Variants in ROBO1 observed in about 807,000 individuals in gnomAD.
The protein encoded by ROBO1 is roundabout guidance receptor 1, also known as roundabout homolog 1.
ROBO1 carries 149 observed loss-of-function variants against 195.9 expected under a neutral mutation model. The ratio of observed to expected loss-of-function variants is 0.76; its 90% confidence interval spans 0.67 to 0.87. The LOEUF is 0.87. Ranked by LOEUF, ROBO1 falls within the 40% of genes least tolerant of loss-of-function variation. The probability of loss-of-function intolerance (pLI) is 0.00; values close to 1 mark genes in which losing one functional copy is unlikely to be tolerated. For missense variants in ROBO1, 1,933 were observed against 2,068.3 expected (o/e 0.93, Z 1.27); for synonymous variants, 816 against 733.2 (o/e 1.11, Z -1.82).
chr3:78,667,912 C>T lies in ROBO1; in HGVS notation c.1937G>A (p.Ser646Asn). The T allele has an allele frequency of 6.2e-7, 1 of 1,613,610 alleles. No individual in the cohort carries two copies. The highest frequency in any genetic ancestry group is 8.5e-7 in the Non-Finnish European group (1 of 1,179,684). Residue 646 changes from serine to asparagine, a missense_variant, in exon 14 of 31, where the codon AGC (serine) becomes AAC (asparagine). Physicochemically the swap from Ser to Asn is conservative, Grantham distance 46. This residue lies in a region of ROBO1 where 1,737 missense variants were observed against 1,882.5 expected (regional missense o/e 0.92). Coordinates refer to ENST00000464233, the MANE Select transcript of ROBO1 (RefSeq NM_002941.4). Reference sequence around the variant, plus strand: ...TGTTTTCACTGGATCTGATATTTGGCTTGGATCACTAATTCCATATGCATT... The same window carrying T: ...TGTTTTCACTGGATCTGATATTTGGTTTGGATCACTAATTCCATATGCATT... ...AANAYGISDP[S>N]QISDPVKTQD...
intron 2 of ROBO1, among the ~76,000 whole-genome samples, chr3:79,126,321 TTC>T (rs2080214539): frequency 6.6e-6 from 1 of 152,236 alleles, no homozygotes; most frequent in Non-Finnish European, 1.5e-5. Flanking sequence ...AATGCATTTT[TTC>T]TGTTTTTCTT....
rs187150058 is a variant in ROBO1 at position 78,722,692 on chromosome 3, T to A, written c.658-4809A>T. 2.7e-3 allele frequency among the ~76,000 whole-genome samples: 417 copies of A among 152,262 alleles called. 2 individuals carry two copies. The highest frequency in any genetic ancestry group is 6.8e-3 in the Middle Eastern group (2 of 294). ...AATATATACGAAAATGTGACATTTT[T>A]AAAAAGGATTTCTAAATCCTAGATC... On this transcript the variant is annotated intron_variant, in intron 5 of 30. Coordinates refer to ENST00000464233, the MANE Select transcript of ROBO1 (RefSeq NM_002941.4).
intron 3 of ROBO1, among the ~76,000 whole-genome samples, chr3:78,959,109 C>T (rs1410435885): frequency 6.6e-6 from 1 of 152,130 alleles, no homozygotes; most frequent in Non-Finnish European, 1.5e-5. Flanking sequence ...CCCACCCTTT[C>T]TTCTTAATAA....
At chr3:78,887,629 G>A (rs1484526408) in intron 4 of ROBO1, among the ~76,000 whole-genome samples, 1 of 152,154 alleles carries the variant, frequency 6.6e-6, no homozygotes, top group Non-Finnish European at 1.5e-5. Flanking sequence ...GGAGAGGAGT[G>A]AAGAGTTGCA....
chr3:78,689,354 A>C (rs1159974049), intron 8 of ROBO1, among the ~76,000 whole-genome samples: 1 of 152,196 alleles, frequency 6.6e-6, no homozygotes, highest in African/African-American at 2.4e-5. Context: ...AATTTGAAAC[A>C]TCTGCTCATC....
intron 3 of ROBO1, among the ~76,000 whole-genome samples, chr3:79,082,407 A>G (rs2079290529): frequency 6.6e-6 from 1 of 152,180 alleles, no homozygotes. Flanking sequence ...GAGGGAAGTA[A>G]AGATGCATTT....
At chr3:79,011,642 A>T (rs1053285804) in intron 3 of ROBO1, among the ~76,000 whole-genome samples, 4 of 149,018 alleles carry the variant, frequency 2.7e-5, no homozygotes, top group Admixed American at 6.7e-5. Context: ...TTTTATATAT[A>T]TTTTTTTCAT....
Position 79,123,335 on chromosome 3 carries a change from A to C in ROBO1, c.172+2121T>G, listed in dbSNP as rs140362229. On this transcript the variant is annotated intron_variant, in intron 3 of 30. Coordinates refer to ENST00000464233, the MANE Select transcript of ROBO1 (RefSeq NM_002941.4). The stretch of plus-strand genomic sequence containing the variant: ...TTCATACATTCAGACATTCACACAC[A>C]TGCATGTGCACACAAAAGAAAACAA... Among the ~76,000 whole-genome samples, 7 of 152,106 alleles carry C rather than the reference A, an allele frequency of 4.6e-5. No homozygotes were observed. In the East Asian group the frequency reaches 1.3e-3, roughly 29 times the overall value.
intron 3 of ROBO1, among the ~76,000 whole-genome samples, chr3:79,028,575 AAT>A (rs1412756329): frequency 6.6e-6 from 1 of 151,900 alleles, no homozygotes; most frequent in Non-Finnish European, 1.5e-5. Flanking sequence ...AGTCTTAGTA[AAT>A]TTCATTTTAA....
At chr3:79,018,992 G>A in intron 3 of ROBO1, 1 of 990,472 alleles carries the variant, frequency 1.0e-6, no homozygotes, top group Non-Finnish European at 1.2e-6. Context: ...AGCAGCTCCG[G>A]AGGAAGGGCT....
chr3:79,556,101 TTAGTA>T (rs1942689314), intron 2 of ROBO1, among the ~76,000 whole-genome samples: 1 of 152,136 alleles, frequency 6.6e-6, no homozygotes, highest in South Asian at 2.1e-4. Flanking sequence ...TGCCTTTAGT[TTAGTA>T]AACTATACCT....
chr3:78,678,879 G>C (rs1025186020), intron 10 of ROBO1, among the ~76,000 whole-genome samples: 1 of 151,916 alleles, frequency 6.6e-6, no homozygotes, highest in Admixed American at 6.6e-5. Context: ...CCAAAAAAGA[G>C]AATTTTAGAC....
chr3:78,935,066 A>G (rs2039731495), intron 4 of ROBO1, among the ~76,000 whole-genome samples: 1 of 152,106 alleles, frequency 6.6e-6, no homozygotes, highest in African/African-American at 2.4e-5. Flanking sequence ...AATAATAACA[A>G]TGAAAGAACA....
chr3:79,078,586 T>C (rs1332484400), intron 3 of ROBO1, among the ~76,000 whole-genome samples: 1 of 151,858 alleles, frequency 6.6e-6, no homozygotes, highest in Non-Finnish European at 1.5e-5. Context: ...ATAATAGTTC[T>C]TGTAGTCAAC....
chr3:78,790,678 G>C (rs1315799483), intron 4 of ROBO1, among the ~76,000 whole-genome samples: 1 of 152,032 alleles, frequency 6.6e-6, no homozygotes, highest in African/African-American at 2.4e-5. Flanking sequence ...CTAAGAAAAA[G>C]GTATTATCTC....
At chr3:78,921,385 G>A (rs149295129) in intron 4 of ROBO1, among the ~76,000 whole-genome samples, 180 of 152,082 alleles carry the variant, frequency 1.2e-3, no homozygotes, top group East Asian at 7.6e-3. Context: ...TCTCTATGGC[G>A]CTTAAAAATC....
At chr3:78,982,358 CCATT>C (rs1414831347) in intron 3 of ROBO1, among the ~76,000 whole-genome samples, 3 of 152,114 alleles carry the variant, frequency 2.0e-5, no homozygotes, top group Admixed American at 2.0e-4. Context: ...GTTAATCCAT[CCATT>C]GTCAGTTAAT....
chr3:79,744,734 T>C (rs61390646), intron 1 of ROBO1, among the ~76,000 whole-genome samples: 1,893 of 152,268 alleles, frequency 0.012, 41 homozygotes, highest in African/African-American at 0.044. Context: ...GAATAACTTA[T>C]ACTCCCCATT....
intron 28 of ROBO1, among the ~76,000 whole-genome samples, chr3:78,613,101 T>C (rs1473120149): frequency 6.6e-6 from 1 of 152,206 alleles, no homozygotes; most frequent in Non-Finnish European, 1.5e-5. Context: ...ATAACTGTGA[T>C]ACAATATTCT....
Sources: allele counts gnomAD v4.1 joint callset (sites outside exome capture counted in the v4.1 genomes callset), GRCh38; gene constraint gnomAD v4.1.1; regional missense constraint gnomAD v4.1.1; transcripts MANE v1.5; gene names NCBI Gene and HGNC (gene_info 2026-07-23, HGNC 2026-07-21).